The following PEAK1 variants were observed in gnomAD, a reference collection of about 807,000 sequenced individuals.
PEAK1 encodes inactive tyrosine-protein kinase PEAK1.
In PEAK1, 54 loss-of-function variants were observed where a neutral mutation model predicts 124.7. The ratio of observed to expected loss-of-function variants is 0.43; its 90% CI spans 0.35 to 0.54. The LOEUF is 0.54. Ranked by LOEUF, PEAK1 falls within the 20% of genes least tolerant of loss-of-function variation. The pLI, the probability that PEAK1 is intolerant of heterozygous loss-of-function variation, is 0.01. For synonymous variants in PEAK1, 719 were observed against 760.0 expected, an observed-to-expected ratio of 0.95 and a Z score of 0.89; for missense variants, 2,046 against 2,134.5, an observed-to-expected ratio of 0.96 and a Z score of 0.82.
At chr15:77,337,373 G>A in intron 2 of PEAK1, 11 of 947,916 alleles carry the variant, frequency 1.2e-5, no homozygotes, top group Non-Finnish European at 1.3e-5. Flanking sequence ...TAAAAATCAA[G>A]AAATAATCAT....
intron 2 of PEAK1, among the ~76,000 whole-genome samples, chr15:77,341,166 A>G (rs976441633): frequency 2.6e-5 from 4 of 152,042 alleles, no homozygotes; most frequent in African/African-American, 9.7e-5. Context: ...CCCATGAGTT[A>G]GGGCACTTAC....
At chr15:77,235,645 G>T (rs905716157) in intron 6 of PEAK1, among the ~76,000 whole-genome samples, 6 of 152,234 alleles carry the variant, frequency 3.9e-5, no homozygotes, top group African/African-American at 1.2e-4. Flanking sequence ...GCCAGCTGCA[G>T]AAATTTGCAT....
chr15:77,277,941 T>G (rs1279433669), intron 5 of PEAK1, among the ~76,000 whole-genome samples: 1 of 152,138 alleles, frequency 6.6e-6, no homozygotes, highest in Non-Finnish European at 1.5e-5. Flanking sequence ...CAGCTGTCAT[T>G]ATGCATTTAT....
Position 77,310,071 on chromosome 15 carries a change from G to A in PEAK1, c.-602-23567C>T, listed in dbSNP as rs560822972. Reference sequence around the variant, plus strand: ...CAGGTTTCAGCTCACTACATGGAAGGAAGACAATCTCTTATGTATGGGTGG... The same window carrying A: ...CAGGTTTCAGCTCACTACATGGAAGAAAGACAATCTCTTATGTATGGGTGG... On this transcript the variant is annotated intron_variant, in intron 2 of 9. Coordinates refer to ENST00000682557, the MANE Select transcript of PEAK1 (RefSeq NM_001385026.1). Among the ~76,000 whole-genome samples, 4 of 152,228 alleles carry A rather than the reference G, an allele frequency of 2.6e-5. No homozygotes were observed. The South Asian group carries it at 6.2e-4, about 24-fold the overall frequency.
intron 2 of PEAK1, among the ~76,000 whole-genome samples, chr15:77,316,192 T>C (rs1363643962): frequency 2.0e-5 from 3 of 152,218 alleles, no homozygotes; most frequent in African/African-American, 4.8e-5. Flanking sequence ...TTTACGTGCA[T>C]GTGTATTCAC....
At chr15:77,215,633 C>T (rs142186875) in intron 6 of PEAK1, among the ~76,000 whole-genome samples, 7 of 152,282 alleles carry the variant, frequency 4.6e-5, no homozygotes, top group African/African-American at 7.2e-5. Flanking sequence ...AAAATATTTT[C>T]GATCTGTGGT....
At chr15:77,234,042 T>C (rs890503764) in intron 6 of PEAK1, among the ~76,000 whole-genome samples, 1 of 152,108 alleles carries the variant, frequency 6.6e-6, no homozygotes, top group Admixed American at 6.6e-5. Context: ...ATTTTTAAAC[T>C]TTTTGTAGAG....
chr15:77,313,569 C>A (rs1459081978), intron 2 of PEAK1, among the ~76,000 whole-genome samples: 1 of 150,788 alleles, frequency 6.6e-6, no homozygotes, highest in Middle Eastern at 3.2e-3. Flanking sequence ...TGGGTTCAAG[C>A]GATTCTCCTG....
intron 2 of PEAK1, among the ~76,000 whole-genome samples, chr15:77,318,929 T>C (rs1287312005): frequency 6.6e-6 from 1 of 152,084 alleles, no homozygotes; most frequent in Admixed American, 6.6e-5. Flanking sequence ...ACGAACCACC[T>C]AACAATGTGG....
chr15:77,380,800 A>G (rs937162056), intron 1 of PEAK1, among the ~76,000 whole-genome samples: 3 of 152,120 alleles, frequency 2.0e-5, no homozygotes, highest in African/African-American at 7.2e-5. Flanking sequence ...ATTATGCAAC[A>G]ACTATTTGCT....
intron 1 of PEAK1, chr15:77,402,304 G>C (rs2071439166): frequency 1.0e-6 from 1 of 985,108 alleles, no homozygotes. Context: ...TGCATATCTA[G>C]ACATCGGGGA....
intron 6 of PEAK1, among the ~76,000 whole-genome samples, chr15:77,200,770 T>C (rs898542434): frequency 1.8e-4 from 27 of 152,286 alleles, no homozygotes; most frequent in African/African-American, 6.5e-4. Context: ...GCATATTCAA[T>C]AGAAACTTTA....
intron 2 of PEAK1, among the ~76,000 whole-genome samples, chr15:77,310,138 CT>C (rs1333567824): frequency 6.6e-6 from 1 of 152,144 alleles, no homozygotes; most frequent in Non-Finnish European, 1.5e-5. Flanking sequence ...ATAGAGGTGG[CT>C]GGACTAAAAC....
chr15:77,252,859 C>G (rs369455584), intron 5 of PEAK1, among the ~76,000 whole-genome samples: 1 of 152,090 alleles, frequency 6.6e-6, no homozygotes, highest in African/African-American at 2.4e-5. Flanking sequence ...TCATTAAACT[C>G]GAACTTTATA....
At chr15:77,147,062 A>T (rs2054226464) in intron 8 of PEAK1, among the ~76,000 whole-genome samples, 1 of 152,198 alleles carries the variant, frequency 6.6e-6, no homozygotes, top group Admixed American at 6.5e-5. Context: ...AAATGAGAAA[A>T]TGTGCAGTTT....
At chr15:77,351,809 T>G (rs564779086) in intron 2 of PEAK1, 51 of 985,448 alleles carry the variant, frequency 5.2e-5, no homozygotes, top group Admixed American at 1.2e-4. Flanking sequence ...TGAAAAGTTT[T>G]GAACACGGGT....
At chr15:77,354,122 A>T (rs994589707) in intron 2 of PEAK1, among the ~76,000 whole-genome samples, 2 of 152,188 alleles carry the variant, frequency 1.3e-5, no homozygotes, top group African/African-American at 4.8e-5. Context: ...TAAGAACAGC[A>T]GACAGATCTG....
At chr15:77,366,195 T>C (rs922908209) in intron 1 of PEAK1, among the ~76,000 whole-genome samples, 55 of 152,172 alleles carry the variant, frequency 3.6e-4, no homozygotes, top group African/African-American at 1.3e-3. Flanking sequence ...CATGACTTGC[T>C]TTAGCCACTG....
intron 6 of PEAK1, among the ~76,000 whole-genome samples, chr15:77,228,120 A>AT (rs1211257487): frequency 1.3e-5 from 2 of 151,440 alleles, no homozygotes; most frequent in African/African-American, 2.4e-5. Flanking sequence ...TTTTTTATTT[A>AT]TTATTATTAT....
Sources: gnomAD v4.1 joint callset for allele counts (sites outside exome capture counted in the v4.1 genomes callset) on GRCh38, gnomAD v4.1.1 for gene constraint, MANE v1.5 for transcripts, NCBI Gene and HGNC (gene_info 2026-07-23, HGNC 2026-07-21) for gene names.